Variants in GPRIN3 observed in about 807,000 individuals in gnomAD.
GPRIN3 encodes the protein GPRIN family member 3, also known as G protein-regulated inducer of neurite outgrowth 3.
A neutral mutation model predicts 13.7 loss-of-function variants in GPRIN3; 12 were observed. The ratio of observed to expected loss-of-function variants is 0.87; its 90% CI spans 0.56 to 1.42. The LOEUF (loss-of-function observed/expected upper bound fraction) is 1.42. Among genes scored for constraint, GPRIN3 ranks in the 40% most tolerant of loss-of-function variants. The pLI, the probability that GPRIN3 is intolerant of heterozygous loss-of-function variation, is 0.00. For missense variants in GPRIN3, 1,009 were observed against 958.7 expected, an observed-to-expected ratio of 1.05 and a Z score of -0.69; for synonymous variants, 377 against 372.7, an observed-to-expected ratio of 1.01 and a Z score of -0.13.
chr4:89,257,571 G>A (rs991038086), intron 1 of GPRIN3, among the ~76,000 whole-genome samples: 1 of 152,180 alleles, frequency 6.6e-6, no homozygotes, highest in Admixed American at 6.5e-5. Flanking sequence ...GCCCTGCTTT[G>A]CAGATCTGGA....
chr4:89,282,522 G>C (rs1484768106), intron 1 of GPRIN3, among the ~76,000 whole-genome samples: 1 of 151,788 alleles, frequency 6.6e-6, no homozygotes, highest in Non-Finnish European at 1.5e-5. Context: ...TCCTTATGCA[G>C]TCCAGGACAG....
intron 1 of GPRIN3, among the ~76,000 whole-genome samples, chr4:89,257,711 T>C (rs1294994587): frequency 6.6e-6 from 1 of 152,146 alleles, no homozygotes; most frequent in Non-Finnish European, 1.5e-5. Context: ...TTTTATTTTT[T>C]GTGGAGGCAA....
chr4:89,249,347 G>C lies in GPRIN3; in HGVS notation c.764C>G (p.Ser255Trp). 1 of 1,614,100 alleles carries C rather than the reference G, an allele frequency of 6.2e-7. No homozygotes were observed. Among genetic ancestry groups the C allele is most frequent in the Non-Finnish European group, 8.5e-7 (1 of 1,179,992 alleles). The change falls in exon 2 of 2, where the codon TCG becomes TGG. Residue 255 changes from serine to tryptophan, a missense_variant. Physicochemically the swap from Ser to Trp is radical, Grantham distance 177 (BLOSUM62 -3). Coordinates refer to ENST00000609438, the MANE Select transcript of GPRIN3 (RefSeq NM_198281.3). ...SENKQPSVTASGPQGTTSVTP... is the reference protein window; with the variant it reads ...SENKQPSVTAWGPQGTTSVTP... The stretch of plus-strand genomic sequence containing the variant: ...CACAGAAGTTGTGCCTTGGGGGCCC[G>C]AGGCAGTGACAGAGGGCTGCTTGTT...
chr4:89,294,570 C>T (rs1487691844), intron 1 of GPRIN3, among the ~76,000 whole-genome samples: 1 of 152,158 alleles, frequency 6.6e-6, no homozygotes, highest in Admixed American at 6.5e-5. Context: ...TACATCCTCC[C>T]ATACTGGCAC....
chr4:89,254,695 CATGT>C (rs527830154), intron 1 of GPRIN3, among the ~76,000 whole-genome samples: 2 of 152,130 alleles, frequency 1.3e-5, no homozygotes, highest in Non-Finnish European at 2.9e-5. Context: ...CATACACATG[CATGT>C]GTCTTTACGA....
intron 1 of GPRIN3, among the ~76,000 whole-genome samples, chr4:89,297,491 CATT>C (rs1386224131): frequency 3.9e-5 from 6 of 152,300 alleles, no homozygotes; most frequent in South Asian, 2.1e-4. Context: ...CACTCATCAT[CATT>C]AATTCTATAA....
Position 89,247,526 on chromosome 4 carries a change from T to C in GPRIN3, c.*254A>G, listed in dbSNP as rs1578067333. On this transcript the variant is annotated 3_prime_UTR_variant, in exon 2 of 2. Transcript: ENST00000609438. The stretch of plus-strand genomic sequence containing the variant: ...ATTTTTAAAAACCCAGTGAGTATTA[T>C]TTTCAATTTGTTAAGGTTGCAAACC... 4.8e-6 allele frequency: 2 copies of C among 418,226 alleles called. No homozygotes were observed. Among genetic ancestry groups the C allele is most frequent in the East Asian group, 3.9e-5 (1 of 25,424 alleles). The allele number at this position is 418,226 out of a possible 1,614,324, so 25.9% of individuals were successfully genotyped here.
At chr4:89,274,214 G>A (rs187342120) in intron 1 of GPRIN3, among the ~76,000 whole-genome samples, 28 of 152,286 alleles carry the variant, frequency 1.8e-4, no homozygotes, top group South Asian at 4.2e-4. Flanking sequence ...AAATAACCCC[G>A]AAGTGCTATT....
chr4:89,247,832 A>G lies in GPRIN3; in HGVS notation c.2279T>C (p.Phe760Ser). 6.2e-7 allele frequency: 1 copy of G among 1,614,052 alleles called. No individual in the cohort carries two copies. Among genetic ancestry groups the G allele is most frequent in the South Asian group, 1.1e-5 (1 of 91,068 alleles). ...HSVFQSMLQN[F>S]RRPNCCVRPA... ...ACGGACGCAGCAGTTGGGGCGTCGG[A>G]AGTTCTGCAGCATGGACTGGAAAAC... The change falls in exon 2 of 2, where the codon TTC becomes TCC. Residue 760 changes from phenylalanine to serine, a missense_variant. By Grantham distance (155) the Phe-to-Ser change is radical. Coordinates refer to ENST00000609438, the MANE Select transcript of GPRIN3 (RefSeq NM_198281.3).
rs1019490895 is a variant in GPRIN3 at position 89,237,784 on chromosome 4, A to G, written c.*9996T>C. 3.3e-5 allele frequency: 5 copies of G among 152,210 alleles called. No individual in the cohort carries two copies. Among genetic ancestry groups the G allele is most frequent in the Admixed American group, 6.5e-5 (1 of 15,286 alleles). 9.4% of individuals were successfully genotyped at this position (152,210 alleles called of 1,614,324 possible). On this transcript the variant is annotated 3_prime_UTR_variant, in exon 2 of 2. Coordinates refer to ENST00000609438, the MANE Select transcript of GPRIN3 (RefSeq NM_198281.3). The stretch of plus-strand genomic sequence containing the variant: ...TTCACAAGAAACAAGAGGTATTTTG[A>G]GTTCACAATCAGTCCAGTGAAGCAA...
In GPRIN3 at chr4:89,269,753, A is replaced by C. The variant is rs530999845; in HGVS notation, c.-123-19520T>G. 8.2e-4 allele frequency among the ~76,000 whole-genome samples: 125 copies of C among 152,346 alleles called. 3 individuals are homozygous for C. The South Asian group carries it at 0.026, about 32-fold the overall frequency. On this transcript the variant is annotated intron_variant, in intron 1 of 1. Coordinates refer to ENST00000609438, the MANE Select transcript of GPRIN3 (RefSeq NM_198281.3). ...AGGAATTTCCATTTCATCTTCAAGAAAGATGATTAGGTGCTACAAAATAAT... is the reference window on the plus strand; with the variant it reads ...AGGAATTTCCATTTCATCTTCAAGACAGATGATTAGGTGCTACAAAATAAT...
chr4:89,299,341 T>C (rs1724829399), intron 1 of GPRIN3, among the ~76,000 whole-genome samples: 1 of 152,136 alleles, frequency 6.6e-6, no homozygotes, highest in Admixed American at 6.5e-5. Context: ...GATGAGGGGA[T>C]GTTTTTAGAA....
intron 1 of GPRIN3, among the ~76,000 whole-genome samples, chr4:89,281,607 A>G (rs1309227583): frequency 6.6e-6 from 1 of 152,146 alleles, no homozygotes; most frequent in Non-Finnish European, 1.5e-5. Flanking sequence ...GGGGACACAG[A>G]TCCAATCTAT....
At chr4:89,259,699 C>T (rs1047474329) in intron 1 of GPRIN3, among the ~76,000 whole-genome samples, 1 of 152,168 alleles carries the variant, frequency 6.6e-6, no homozygotes, top group Non-Finnish European at 1.5e-5. Flanking sequence ...ACACTGCCCC[C>T]CTCTACCACC....
At chr4:89,301,299 CAG>C (rs1368572768) in intron 1 of GPRIN3, among the ~76,000 whole-genome samples, 1 of 152,128 alleles carries the variant, frequency 6.6e-6, no homozygotes, top group East Asian at 1.9e-4. Context: ...ATTCATATCA[CAG>C]AGTCAAAAGG....
rs1035007125 is a variant in GPRIN3, at chr4:89,243,004, G to C, written c.*4776C>G. 6.6e-6 allele frequency: 1 copy of C among 152,164 alleles called. No individual in the cohort carries two copies. Among genetic ancestry groups the C allele is most frequent in the Non-Finnish European group, 1.5e-5 (1 of 68,022 alleles). 9.4% of individuals were successfully genotyped at this position (152,164 alleles called of 1,614,324 possible). On this transcript the variant is annotated 3_prime_UTR_variant, in exon 2 of 2. Transcript: ENST00000609438. ...GATTTATTTTGAGAGAGGTTATTTT[G>C]TTGTGGCAAGTGAGTAGTTTAGCTG...
intron 1 of GPRIN3, among the ~76,000 whole-genome samples, chr4:89,297,104 T>A (rs1724759711): frequency 6.6e-6 from 1 of 152,192 alleles, no homozygotes. Context: ...CTGTGGGACT[T>A]TGGGCAAGTT....
chr4:89,297,555 G>A (rs1329202209), intron 1 of GPRIN3, among the ~76,000 whole-genome samples: 1 of 151,898 alleles, frequency 6.6e-6, no homozygotes, highest in African/African-American at 2.4e-5. Context: ...CAGTCTCTGC[G>A]CTCCAAGGCA....
chr4:89,267,240 C>A (rs1723804793), intron 1 of GPRIN3, among the ~76,000 whole-genome samples: 1 of 152,170 alleles, frequency 6.6e-6, no homozygotes, highest in Non-Finnish European at 1.5e-5. Flanking sequence ...TCCGAGTTAA[C>A]CACCGCTAAG....
Sources: allele counts gnomAD v4.1 joint callset (sites outside exome capture counted in the v4.1 genomes callset), GRCh38; gene constraint gnomAD v4.1.1; transcripts MANE v1.5; gene names NCBI Gene and HGNC (gene_info 2026-07-23, HGNC 2026-07-21).